FAF1: variants seen among roughly 807,000 people sequenced by gnomAD.
FAF1 encodes Fas associated factor 1.
In FAF1, 25 loss-of-function variants were observed where a neutral mutation model predicts 92.5. That is an observed-to-expected ratio of 0.27 (90% confidence interval 0.20 to 0.38). The LOEUF (loss-of-function observed/expected upper bound fraction) is 0.38. FAF1 is among the 10% of genes least tolerant of loss of function. FAF1 has a pLI of 1.00. For missense variants in FAF1, 636 were observed against 793.3 expected (o/e 0.80, Z 2.38); for synonymous variants, 234 against 273.2 (o/e 0.86, Z 1.42).
intron 7 of FAF1, among the ~76,000 whole-genome samples, chr1:50,681,384 G>C (rs902238734): frequency 6.6e-6 from 1 of 151,862 alleles, no homozygotes; most frequent in Non-Finnish European, 1.5e-5. Flanking sequence ...CACAGAACAG[G>C]CATGGTTTTA....
At chr1:50,898,980 T>C (rs1644776245) in intron 1 of FAF1, among the ~76,000 whole-genome samples, 2 of 152,210 alleles carry the variant, frequency 1.3e-5, no homozygotes, top group South Asian at 2.1e-4. Flanking sequence ...CAGATTCCAA[T>C]TACACGTTTT....
At chr1:50,944,355 G>T (rs1022337758) in intron 1 of FAF1, among the ~76,000 whole-genome samples, 1 of 152,006 alleles carries the variant, frequency 6.6e-6, no homozygotes, top group African/African-American at 2.4e-5. Flanking sequence ...AGGCTTCAAG[G>T]GCGATTCTGA....
intron 13 of FAF1, among the ~76,000 whole-genome samples, chr1:50,541,416 A>G (rs974185809): frequency 6.6e-5 from 10 of 152,200 alleles, no homozygotes; most frequent in African/African-American, 2.4e-4. Context: ...CAAGCAGCCT[A>G]ACCTTCTATG....
chr1:50,750,933 A>G (rs1262969409), intron 4 of FAF1, among the ~76,000 whole-genome samples: 2 of 150,326 alleles, frequency 1.3e-5, no homozygotes, highest in African/African-American at 4.9e-5. Context: ...AGATTTATCC[A>G]TGTTTATATG....
At chr1:50,761,614 A>G (rs1374352490) in intron 4 of FAF1, among the ~76,000 whole-genome samples, 1 of 152,232 alleles carries the variant, frequency 6.6e-6, no homozygotes, top group Non-Finnish European at 1.5e-5. Context: ...TAGATGCAGA[A>G]AAAGCCTTTG....
chr1:50,864,031 T>C (rs576222126), intron 1 of FAF1, among the ~76,000 whole-genome samples: 1 of 152,118 alleles, frequency 6.6e-6, no homozygotes, highest in Non-Finnish European at 1.5e-5. Flanking sequence ...TTTGTATTTC[T>C]GTGGGATCAG....
At chr1:50,818,900 G>A (rs1411450381) in intron 2 of FAF1, among the ~76,000 whole-genome samples, 1 of 151,452 alleles carries the variant, frequency 6.6e-6, no homozygotes, top group East Asian at 1.9e-4. Flanking sequence ...ATTCATTTAT[G>A]CTTCATATAT....
intron 7 of FAF1, among the ~76,000 whole-genome samples, chr1:50,701,231 A>C (rs1278953274): frequency 6.6e-6 from 1 of 152,100 alleles, no homozygotes; most frequent in Non-Finnish European, 1.5e-5. Context: ...AATTGATCCA[A>C]TATATGCCAT....
intron 7 of FAF1, among the ~76,000 whole-genome samples, chr1:50,657,793 C>T (rs1285534394): frequency 6.6e-6 from 1 of 152,146 alleles, no homozygotes; most frequent in African/African-American, 2.4e-5. Flanking sequence ...ACACAGAACT[C>T]ACTCTATTTT....
chr1:50,793,378 G>A (rs997224135), intron 3 of FAF1, among the ~76,000 whole-genome samples: 9 of 152,176 alleles, frequency 5.9e-5, no homozygotes, highest in African/African-American at 2.2e-4. Context: ...ACTCTAAAAT[G>A]ATGCTAATTA....
chr1:50,887,950 T>C (rs1381097711), intron 1 of FAF1, among the ~76,000 whole-genome samples: 1 of 152,228 alleles, frequency 6.6e-6, no homozygotes, highest in East Asian at 1.9e-4. Flanking sequence ...TGGCATTGAA[T>C]CTATGAATTA....
chr1:50,734,830 A>G (rs576258270), intron 6 of FAF1, among the ~76,000 whole-genome samples: 2 of 152,316 alleles, frequency 1.3e-5, no homozygotes, highest in South Asian at 4.1e-4. Context: ...AAAACTCCAC[A>G]GGCAACTGGG....
intron 18 of FAF1, chr1:50,469,636 A>C (rs1646545613): frequency 6.6e-6 from 1 of 152,218 alleles, no homozygotes; most frequent in Non-Finnish European, 1.5e-5. Flanking sequence ...CCGTTTAAAA[A>C]AATCACTCAA....
intron 7 of FAF1, among the ~76,000 whole-genome samples, chr1:50,693,999 T>TTATA (rs3033489): frequency 6.8e-6 from 1 of 146,952 alleles, no homozygotes; most frequent in Non-Finnish European, 1.5e-5. Flanking sequence ...ATATGTGTCA[T>TTATA]TATATATATA....
chr1:50,576,638 C>CG (rs1469584561), intron 12 of FAF1, among the ~76,000 whole-genome samples: 26 of 150,388 alleles, frequency 1.7e-4, no homozygotes, highest in African/African-American at 5.9e-4. Context: ...GCACCGCCCC[C>CG]CCCCCGCCAC....
At chr1:50,881,651 A>G (rs1644613354) in intron 1 of FAF1, among the ~76,000 whole-genome samples, 1 of 152,160 alleles carries the variant, frequency 6.6e-6, no homozygotes, top group Non-Finnish European at 1.5e-5. Flanking sequence ...ACCCTTGGCA[A>G]CACCTGCAGG....
chr1:50,875,232 G>C (rs1002015707), intron 1 of FAF1, among the ~76,000 whole-genome samples: 9 of 151,634 alleles, frequency 5.9e-5, no homozygotes, highest in African/African-American at 2.2e-4. Flanking sequence ...TTTATTTTCA[G>C]ACTGTAGATT....
intron 12 of FAF1, among the ~76,000 whole-genome samples, chr1:50,568,906 A>C (rs554389752): frequency 6.6e-6 from 1 of 152,168 alleles, no homozygotes; most frequent in Non-Finnish European, 1.5e-5. Flanking sequence ...ACTCCTGGGT[A>C]TAAGTAGCTC....
intron 1 of FAF1, among the ~76,000 whole-genome samples, chr1:50,937,270 T>C (rs775789781): frequency 3.3e-5 from 5 of 152,156 alleles, no homozygotes; most frequent in Non-Finnish European, 7.4e-5. Flanking sequence ...GTATTGACTC[T>C]TGATCTCTTC....
Sources: allele counts gnomAD v4.1 joint callset (sites outside exome capture counted in the v4.1 genomes callset), GRCh38; gene constraint gnomAD v4.1.1; transcripts MANE v1.5; gene names NCBI Gene and HGNC (gene_info 2026-07-23, HGNC 2026-07-21).